Variants in UTY observed in about 807,000 individuals in gnomAD.
UTY encodes the protein ubiquitously transcribed tetratricopeptide repeat containing, Y-linked.
A neutral mutation model predicts 32.5 loss-of-function variants in UTY; 12 were observed. The ratio of observed to expected loss-of-function variants is 0.37; its 90% CI spans 0.24 to 0.60. UTY has a LOEUF of 0.60. UTY is among the 20% of genes least tolerant of loss of function. UTY has a pLI of 0.69. For missense variants in UTY, 303 were observed against 299.2 expected, an observed-to-expected ratio of 1.01 and a Z score of -0.09; for synonymous variants, 131 against 103.4, an observed-to-expected ratio of 1.27 and a Z score of -1.62.
chrY:13,314,387 C>T (rs2059371206), intron 21 of UTY, among the ~76,000 whole-genome samples: 1 of 33,111 alleles, frequency 3.0e-5, no homozygotes, highest in East Asian at 7.9e-4. Flanking sequence ...GCACTCCAGC[C>T]GGGGTGACAG....
In UTY at chrY:13,327,531, T is replaced by C. The variant is rs779807628; in HGVS notation, c.2835-1181A>G. Among the ~76,000 whole-genome samples the C allele has an allele frequency of 1.7e-3, 58 of 33,532 alleles. No individual in the cohort carries two copies. The East Asian group carries it at 0.039, about 23-fold the overall frequency. The allele number at this position is 33,532 out of a possible 37,273, so 90.0% of individuals were successfully genotyped here. A position where few individuals can be genotyped will look rare whatever the true frequency, so the allele number is the denominator to read the frequency against. ...TTTTTAAACAACTAAAAAGGTCTTA[T>C]GCATTTTTAAGTTATGAATTAGGTT... On this transcript the variant is annotated intron_variant, in intron 18 of 29. Transcript: ENST00000545955.
intron 3 of UTY, among the ~76,000 whole-genome samples, chrY:13,452,828 G>T: frequency 2.9e-5 from 1 of 33,922 alleles, no homozygotes; most frequent in Admixed American, 2.7e-4. Flanking sequence ...AGACGTAAAT[G>T]TACTTAAAAG....
chrY:13,360,401 T>C, intron 11 of UTY, 29 bp downstream of exon 11: 1 of 369,978 alleles, frequency 2.7e-6, no homozygotes, highest in Non-Finnish European at 3.9e-6. Flanking sequence ...TCAAGCGAGC[T>C]TCTACTGCTT....
At chrY:13,251,434 T>A in intron 28 of UTY, among the ~76,000 whole-genome samples, 1 of 33,988 alleles carries the variant, frequency 2.9e-5, no homozygotes, top group South Asian at 6.5e-4. Context: ...AATTAAATAG[T>A]CATTATGACC....
At chrY:13,373,408 T>TA in intron 8 of UTY, among the ~76,000 whole-genome samples, 1 of 33,384 alleles carries the variant, frequency 3.0e-5, no homozygotes, top group Non-Finnish European at 7.4e-5. Context: ...TTACGAATGA[T>TA]AAAAAAAGTT....
Position 13,335,554 on chromosome Y carries a change from C to T in UTY, c.2834+9G>A. On this transcript the variant is annotated intron_variant, in intron 18 of 29. Transcript: ENST00000545955. Reference sequence around the variant, plus strand: ...ATTTTCATTTTGTGAAGAATTTTCCCACACTAACCTGCATGCTTTCAGAAC... The same window carrying T: ...ATTTTCATTTTGTGAAGAATTTTCCTACACTAACCTGCATGCTTTCAGAAC... 1 of 398,069 alleles carries T rather than the reference C, an allele frequency of 2.5e-6. No individual in the cohort carries two copies. The highest frequency in any genetic ancestry group is 3.5e-6 in the Non-Finnish European group (1 of 283,075).
chrY:13,435,119 T>G, intron 4 of UTY, among the ~76,000 whole-genome samples: 1 of 33,073 alleles, frequency 3.0e-5, no homozygotes, highest in African/African-American at 1.2e-4. Context: ...ACAAGAGAAA[T>G]GCTGGAAACT....
chrY:13,342,165 T>C (rs2061539183), intron 17 of UTY, among the ~76,000 whole-genome samples: 1 of 33,188 alleles, frequency 3.0e-5, no homozygotes, highest in Admixed American at 2.7e-4. Flanking sequence ...GAGCTAGCCA[T>C]AAATCAGGAC....
Position 13,396,955 on chromosome Y carries a change from C to A in UTY, c.573G>T (p.Leu191Phe). Residue 191 changes from leucine (L) to phenylalanine (F), a missense_variant, in exon 7 of 30, where the codon TTG (leucine) becomes TTT (phenylalanine). Leu to Phe is a conservative substitution (Grantham distance 22, BLOSUM62 0). Transcript: ENST00000545955. ...ACAAAGTACATGGATTACAGTCAAT[C>A]AAGGCTAACTGAAAATGCTGCAAGA... ...KSSLKHFQLA[L>F]IDCNPCTLSN... The A allele has an allele frequency of 2.7e-6, 1 of 368,505 alleles. No homozygotes were observed. The highest frequency in any genetic ancestry group is 3.7e-6 in the Non-Finnish European group (1 of 266,797). 91.9% of individuals were successfully genotyped at this position (368,505 alleles called of 400,897 possible).
chrY:13,282,435 G>A (rs2057066774), intron 27 of UTY, among the ~76,000 whole-genome samples: 2 of 33,153 alleles, frequency 6.0e-5, no homozygotes, highest in African/African-American at 1.2e-4. Flanking sequence ...CCTGCCTGGC[G>A]TAAACCCAGT....
intron 28 of UTY, among the ~76,000 whole-genome samples, chrY:13,239,026 T>C: frequency 3.0e-5 from 1 of 33,501 alleles, no homozygotes; most frequent in East Asian, 7.7e-4. Flanking sequence ...ACGGTAGTAA[T>C]TGTAAAGAAG....
intron 18 of UTY, 52 bp from the exon 19 acceptor site, chrY:13,326,402 A>C (rs761525190): frequency 3.1e-6 from 1 of 325,763 alleles, no homozygotes; most frequent in Non-Finnish European, 4.4e-6. Context: ...TTTTAAAACT[A>C]GAAAAAAAAG....
chrY:13,298,753 CAAAAAAAAAAAAAAAAAA>C (rs777647066), intron 26 of UTY, among the ~76,000 whole-genome samples, 186 bp downstream of exon 26: 7 of 845 alleles, frequency 8.3e-3, no homozygotes, highest in African/African-American at 0.033. Flanking sequence ...GACTCCATCT[CAAAAAAAAAAAAAAAAAA>C]AAAAAAAAAA....
At chrY:13,477,849 T>A in intron 2 of UTY, among the ~76,000 whole-genome samples, 1 of 34,128 alleles carries the variant, frequency 2.9e-5, no homozygotes, top group Non-Finnish European at 7.3e-5. Flanking sequence ...GCTTAAATCG[T>A]ATCATTGATA....
At position 13,299,147 on chromosome Y, in the gene UTY, GA is replaced by G. The variant is rs1472214714; in HGVS notation, c.3681-4del. On this transcript the variant is annotated splice_polypyrimidine_tract_variant and splice_region_variant and intron_variant, in intron 25 of 29. Coordinates refer to ENST00000545955, the MANE Select transcript of UTY (RefSeq NM_001258249.2). Reference sequence around the variant, plus strand: ...TCATTAAAAAATTCAAATTATTTCTGAAAAAGAAAATAATGAAAATCAGGTT... The same window carrying G: ...TCATTAAAAAATTCAAATTATTTCTGAAAAGAAAATAATGAAAATCAGGTT... 3.2e-6 allele frequency: 1 copy of G among 316,057 alleles called. No homozygotes were observed. Among genetic ancestry groups the G allele is most frequent in the Non-Finnish European group, 4.3e-6 (1 of 230,314 alleles). The allele number at this position is 316,057 out of a possible 400,897, so 78.8% of individuals were successfully genotyped here. A position where few individuals can be genotyped will look rare whatever the true frequency, so the allele number is the denominator to read the frequency against.
At chrY:13,287,795 C>T (rs375032399) in intron 27 of UTY, among the ~76,000 whole-genome samples, 1 of 32,673 alleles carries the variant, frequency 3.1e-5, no homozygotes, top group Non-Finnish European at 7.5e-5. Flanking sequence ...GGCTGCAACC[C>T]CTTGAAATTA....
intron 6 of UTY, among the ~76,000 whole-genome samples, chrY:13,402,015 A>C: frequency 2.9e-5 from 1 of 33,992 alleles, no homozygotes. Context: ...TGCCAGGAGC[A>C]GTAAAAAACT....
chrY:13,448,398 T>G, intron 4 of UTY, among the ~76,000 whole-genome samples: 1 of 33,335 alleles, frequency 3.0e-5, no homozygotes, highest in Non-Finnish European at 7.4e-5. Context: ...GAGTTGTCTT[T>G]TCAGTTTTGA....
chrY:13,278,306 G>T, intron 27 of UTY, among the ~76,000 whole-genome samples: 1 of 33,660 alleles, frequency 3.0e-5, no homozygotes, highest in Non-Finnish European at 7.3e-5. Context: ...GTGTGACCCA[G>T]TATATTCTCA....
Sources: allele counts gnomAD v4.1 joint callset (sites outside exome capture counted in the v4.1 genomes callset), GRCh38; gene constraint gnomAD v4.1.1; transcripts MANE v1.5; gene names NCBI Gene and HGNC (gene_info 2026-07-23, HGNC 2026-07-21).